Variants in RAB43 observed in about 807,000 individuals in gnomAD.
RAB43 encodes the protein ras-related protein Rab-43.
RAB43 carries 6 observed loss-of-function variants against 18.8 expected under a neutral mutation model. The observed-to-expected ratio is 0.32, with a 90% CI of 0.17 to 0.63. RAB43 has a LOEUF of 0.63. Among genes scored for constraint, RAB43 ranks in the 30% least tolerant of loss-of-function variants. RAB43 has a pLI of 0.79. For missense variants in RAB43, 195 were observed against 289.1 expected (o/e 0.67, Z 2.36); for synonymous variants, 103 against 124.1 (o/e 0.83, Z 1.13).
Position 129,107,048 on chromosome 3 carries a change from G to A in RAB43, c.205-11879C>T, listed in dbSNP as rs1934829752. Among the ~76,000 whole-genome samples the A allele has an allele frequency of 6.6e-6, 1 of 152,234 alleles. No homozygotes were observed. Among genetic ancestry groups the A allele is most frequent in the African/African-American group, 2.4e-5 (1 of 41,462 alleles). On this transcript the variant is annotated intron_variant, in intron 1 of 2. Transcript: ENST00000315150. This position sits in a 1 kb window ranked among gnomAD's most constrained non-coding sequence, Gnocchi z 4.2. Reference sequence around the variant, plus strand: ...AAGCAAGGGGCCAGAGGCCATGAAAGCCAGGAAGGCAGAGTTCTGTGGGCA... The same window carrying A: ...AAGCAAGGGGCCAGAGGCCATGAAAACCAGGAAGGCAGAGTTCTGTGGGCA...
chr3:129,096,195 T>C (rs2107986036), intron 1 of RAB43, among the ~76,000 whole-genome samples: 1 of 152,318 alleles, frequency 6.6e-6, no homozygotes, highest in Non-Finnish European at 1.5e-5. Context: ...TCTCTCAAGG[T>C]CTGTCTGGGG....
intron 1 of RAB43, among the ~76,000 whole-genome samples, chr3:129,109,941 T>A (rs1360688612): frequency 6.6e-6 from 1 of 151,766 alleles, no homozygotes; most frequent in Non-Finnish European, 1.5e-5. Context: ...CCTGGCTCAC[T>A]GCAGCCTCGA....
chr3:129,116,093 C>T (rs1029966017), intron 1 of RAB43, among the ~76,000 whole-genome samples: 25 of 152,158 alleles, frequency 1.6e-4, no homozygotes, highest in African/African-American at 5.6e-4. Flanking sequence ...TTGTTAATTT[C>T]GTACTGTGCC....
intron 1 of RAB43, among the ~76,000 whole-genome samples, chr3:129,096,450 T>C (rs1163899023): frequency 1.3e-5 from 2 of 152,240 alleles, no homozygotes; most frequent in Admixed American, 1.3e-4. Flanking sequence ...CATGGCAGCA[T>C]GGGGTGAAGT....
chr3:129,116,084 TG>T (rs1477505793), intron 1 of RAB43, among the ~76,000 whole-genome samples: 28 of 152,366 alleles, frequency 1.8e-4, no homozygotes, highest in South Asian at 6.2e-4. Context: ...TAATTATTGT[TG>T]TTAATTTCGT....
At chr3:129,092,621 T>A in intron 2 of RAB43, 1 of 582,918 alleles carries the variant, frequency 1.7e-6, no homozygotes, top group Non-Finnish European at 3.1e-6. Context: ...TATATAAGTA[T>A]GCATAAATAA....
chr3:129,093,021 T>C (rs932633809), intron 2 of RAB43, among the ~76,000 whole-genome samples: 28 of 152,074 alleles, frequency 1.8e-4, no homozygotes, highest in Middle Eastern at 3.4e-3. Flanking sequence ...GACAGAGTCT[T>C]ACTCTGTCGC....
intron 1 of RAB43, among the ~76,000 whole-genome samples, chr3:129,105,520 C>G (rs912752368): frequency 2.0e-5 from 3 of 151,656 alleles, no homozygotes; most frequent in Non-Finnish European, 4.4e-5. Context: ...GTGGCTCATG[C>G]CTGTAATCCC....
intron 1 of RAB43, among the ~76,000 whole-genome samples, chr3:129,111,302 G>A (rs1935156162): frequency 6.6e-6 from 1 of 151,974 alleles, no homozygotes; most frequent in Non-Finnish European, 1.5e-5. Flanking sequence ...ATCGCTTAAG[G>A]TCAGGAGTTT....
rs1338460560 is a variant in RAB43 at position 129,107,980 on chromosome 3, C to G, written c.205-12811G>C. Among the ~76,000 whole-genome samples, 1 of 152,242 alleles carries G rather than the reference C, an allele frequency of 6.6e-6. No individual in the cohort carries two copies. Among genetic ancestry groups the G allele is most frequent in the African/African-American group, 2.4e-5 (1 of 41,462 alleles). On this transcript the variant is annotated intron_variant, in intron 1 of 2. Coordinates refer to ENST00000315150, the MANE Select transcript of RAB43 (RefSeq NM_198490.3). This position sits in a 1 kb window ranked among gnomAD's most constrained non-coding sequence, Gnocchi z 4.2. Reference sequence around the variant, plus strand: ...TCGCTGCCTATGGCCCCCAGGCCCACAGCCTGCCAGTGCCACCAGGCTGGC... The same window carrying G: ...TCGCTGCCTATGGCCCCCAGGCCCAGAGCCTGCCAGTGCCACCAGGCTGGC...
chr3:129,109,920 A>G (rs1216796286), intron 1 of RAB43, among the ~76,000 whole-genome samples: 3 of 151,480 alleles, frequency 2.0e-5, no homozygotes, highest in African/African-American at 4.8e-5. Context: ...GCTGGAGTGC[A>G]GTGGTGCGAT....
intron 1 of RAB43, among the ~76,000 whole-genome samples, chr3:129,102,286 C>G (rs1446701214): frequency 5.3e-5 from 8 of 152,186 alleles, no homozygotes; most frequent in Admixed American, 5.2e-4. Flanking sequence ...CTCTCTGGCT[C>G]TGTTTTCCAC....
At chr3:129,119,343 TGAG>T (rs143289254) in intron 1 of RAB43, among the ~76,000 whole-genome samples, 231 of 152,280 alleles carry the variant, frequency 1.5e-3, no homozygotes, top group African/African-American at 5.3e-3. Flanking sequence ...GCCGGCAAAA[TGAG>T]GTGGTAAACA....
intron 2 of RAB43, among the ~76,000 whole-genome samples, chr3:129,091,840 TG>T (rs1189790813): frequency 6.7e-6 from 1 of 149,728 alleles, no homozygotes; most frequent in African/African-American, 2.5e-5. Context: ...CCGAGGTGGG[TG>T]GATCACCTGA....
At chr3:129,091,415 CACGCTG>C in intron 2 of RAB43, 69 bp from the exon 3 acceptor site, 1 of 1,522,356 alleles carries the variant, frequency 6.6e-7, no homozygotes, top group Non-Finnish European at 8.9e-7. Flanking sequence ...CTGGGAGGGT[CACGCTG>C]ACAGCCCCAT....
intron 1 of RAB43, among the ~76,000 whole-genome samples, chr3:129,114,703 G>A (rs530797071): frequency 1.3e-4 from 20 of 152,256 alleles, no homozygotes; most frequent in Non-Finnish European, 2.4e-4. Flanking sequence ...GCTAAACAAC[G>A]AACAAGAGGA....
At chr3:129,110,579 C>A (rs147962550) in intron 1 of RAB43, among the ~76,000 whole-genome samples, 1 of 152,314 alleles carries the variant, frequency 6.6e-6, no homozygotes, top group African/African-American at 2.4e-5. Flanking sequence ...TGGCTCACGC[C>A]TGTAATCCCA....
rs1239914665 is a variant in RAB43 at position 129,091,070 on chromosome 3, C to T, written c.*26G>A. 1 of 1,555,828 alleles carries T rather than the reference C, an allele frequency of 6.4e-7. No homozygotes were observed. Among genetic ancestry groups the T allele is most frequent in the Admixed American group, 1.7e-5 (1 of 59,136 alleles). Reference sequence around the variant, plus strand: ...TGGGGAGAGCAAGGAGGTGGGGAACCCCCAGTCTGCCGGCCCGGCCCCTGG... The same window carrying T: ...TGGGGAGAGCAAGGAGGTGGGGAACTCCCAGTCTGCCGGCCCGGCCCCTGG... On this transcript the variant is annotated 3_prime_UTR_variant, in exon 3 of 3. Coordinates refer to ENST00000315150, the MANE Select transcript of RAB43 (RefSeq NM_198490.3).
At chr3:129,121,229 T>A in intron 1 of RAB43, 57 bp downstream of exon 1, 1 of 1,452,360 alleles carries the variant, frequency 6.9e-7, no homozygotes, top group Non-Finnish European at 9.3e-7. Flanking sequence ...GGGGCTCCGC[T>A]GCCCCCGCCC....
Sources: gnomAD v4.1 joint callset for allele counts (sites outside exome capture counted in the v4.1 genomes callset) on GRCh38, gnomAD v4.1.1 for gene constraint, Gnocchi (gnomAD v3.1) non-coding constraint, MANE v1.5 for transcripts, NCBI Gene and HGNC (gene_info 2026-07-23, HGNC 2026-07-21) for gene names.